Variants in MBD5 observed in about 807,000 individuals in gnomAD.
The protein encoded by MBD5 is methyl-CpG binding domain protein 5, also known as methyl-CpG-binding domain protein 5.
A neutral mutation model predicts 117.3 loss-of-function variants in MBD5; 13 were observed. That is an observed-to-expected ratio of 0.11 (90% confidence interval 0.07 to 0.18). The LOEUF (loss-of-function observed/expected upper bound fraction) is 0.18. Ranked by LOEUF, MBD5 falls within the 10% of genes least tolerant of loss-of-function variation. MBD5 has a pLI of 1.00. For missense variants in MBD5, 1,879 were observed against 2,093.8 expected, an observed-to-expected ratio of 0.90 and a Z score of 2.00; for synonymous variants, 727 against 766.4, an observed-to-expected ratio of 0.95 and a Z score of 0.85.
intron 2 of MBD5, among the ~76,000 whole-genome samples, chr2:148,184,017 T>G (rs1698591664): frequency 7.0e-6 from 1 of 143,190 alleles, no homozygotes; most frequent in Non-Finnish European, 1.5e-5. Flanking sequence ...AAATACATCC[T>G]TCTTAATTTT....
chr2:148,060,321 A>G lies in MBD5; in HGVS notation c.-925+38637A>G, dbSNP rs934286474. On this transcript the variant is annotated intron_variant, in intron 1 of 13. Coordinates refer to ENST00000642680, the MANE Select transcript of MBD5 (RefSeq NM_001378120.1). ...TGAGACCCTGTCTCAAAGAAAAAGG[A>G]AAAGAAAAGTCTCACTGGAGAGGCA... 2.5e-4 allele frequency among the ~76,000 whole-genome samples: 38 copies of G among 151,518 alleles called. 3 individuals are homozygous for G. Among genetic ancestry groups the G allele is most frequent in the Admixed American group, 1.7e-3 (26 of 15,234 alleles).
intron 12 of MBD5, among the ~76,000 whole-genome samples, chr2:148,504,236 A>T (rs1184943027): frequency 1.3e-5 from 2 of 152,246 alleles, no homozygotes; most frequent in African/African-American, 4.8e-5. Flanking sequence ...AGAAAATACA[A>T]AACTAACATT....
intron 3 of MBD5, among the ~76,000 whole-genome samples, chr2:148,245,186 A>C (rs2106213217): frequency 6.6e-6 from 1 of 152,232 alleles, no homozygotes; most frequent in South Asian, 2.1e-4. Context: ...AGGATTCAAA[A>C]CCAGCCTGGG....
At chr2:148,180,410 C>T (rs1330048617) in intron 2 of MBD5, among the ~76,000 whole-genome samples, 2 of 143,716 alleles carry the variant, frequency 1.4e-5, no homozygotes, top group African/African-American at 2.6e-5. Flanking sequence ...TTAAGTTGCT[C>T]AGACTAGATT....
At chr2:148,283,187 A>C (rs1441347531) in intron 3 of MBD5, among the ~76,000 whole-genome samples, 1 of 152,156 alleles carries the variant, frequency 6.6e-6, no homozygotes, top group Non-Finnish European at 1.5e-5. Context: ...ACTGTAAATC[A>C]CTAGTTATGT....
chr2:148,508,501 G>A (rs1337234405), intron 12 of MBD5, among the ~76,000 whole-genome samples: 1 of 151,796 alleles, frequency 6.6e-6, no homozygotes, highest in East Asian at 1.9e-4. Context: ...GACCAGGATA[G>A]GTAACAGGGA....
chr2:148,396,384 A>C (rs1009633016), intron 4 of MBD5, among the ~76,000 whole-genome samples: 47 of 152,198 alleles, frequency 3.1e-4, no homozygotes, highest in Non-Finnish European at 5.1e-4. Flanking sequence ...TTCAATATCT[A>C]ACATTCATGG....
chr2:148,474,355 A>C (rs374978578), intron 8 of MBD5, among the ~76,000 whole-genome samples: 14 of 152,142 alleles, frequency 9.2e-5, no homozygotes, highest in African/African-American at 3.1e-4. Context: ...TGACCCATCC[A>C]TTCCTTTGCC....
At chr2:148,043,674 G>A (rs934983239) in intron 1 of MBD5, among the ~76,000 whole-genome samples, 2 of 152,076 alleles carry the variant, frequency 1.3e-5, no homozygotes, top group African/African-American at 4.8e-5. Context: ...CTCACCATAT[G>A]TTGCCTACCA....
chr2:148,034,852 A>G (rs1291974474), intron 1 of MBD5, among the ~76,000 whole-genome samples: 1 of 152,202 alleles, frequency 6.6e-6, no homozygotes, highest in African/African-American at 2.4e-5. Flanking sequence ...AATTACTATT[A>G]CTCACAGATG....
At chr2:148,463,710 A>G (rs1707169971) in intron 6 of MBD5, 29 bp from the exon 7 acceptor site, 1 of 1,611,770 alleles carries the variant, frequency 6.2e-7, no homozygotes, top group Non-Finnish European at 8.5e-7. Context: ...TTACAGACAT[A>G]TTCTAAACAA....
chr2:148,087,450 A>T (rs982389102), intron 1 of MBD5, among the ~76,000 whole-genome samples: 1 of 152,174 alleles, frequency 6.6e-6, no homozygotes, highest in African/African-American at 2.4e-5. Flanking sequence ...TCTACAACCA[A>T]TTACAGAGTC....
intron 3 of MBD5, among the ~76,000 whole-genome samples, chr2:148,291,221 T>C (rs1348293677): frequency 6.6e-6 from 1 of 152,190 alleles, no homozygotes; most frequent in African/African-American, 2.4e-5. Context: ...AAGATCAACG[T>C]ACCAATTTTA....
intron 4 of MBD5, among the ~76,000 whole-genome samples, chr2:148,420,086 C>A (rs976644981): frequency 2.6e-5 from 4 of 152,110 alleles, no homozygotes; most frequent in Non-Finnish European, 2.9e-5. Flanking sequence ...CCTTTTCTGA[C>A]CTGATACAAA....
chr2:148,394,545 G>GTTTTTTTTTTTTTT (rs71856376), intron 4 of MBD5, among the ~76,000 whole-genome samples: 4 of 121,864 alleles, frequency 3.3e-5, no homozygotes, highest in Non-Finnish European at 6.9e-5. Context: ...CTGTACTTTG[G>GTTTTTTTTTTTTTT]TTTTTTTTTT....
intron 1 of MBD5, among the ~76,000 whole-genome samples, chr2:148,170,194 G>A (rs959291297): frequency 6.6e-6 from 1 of 152,194 alleles, no homozygotes; most frequent in Non-Finnish European, 1.5e-5. Flanking sequence ...ACCGCGCCCG[G>A]CCCGGGATTC....
intron 2 of MBD5, among the ~76,000 whole-genome samples, chr2:148,211,848 C>T (rs778666218): frequency 3.3e-5 from 5 of 152,160 alleles, no homozygotes; most frequent in Non-Finnish European, 1.5e-5. Context: ...CAGGCACAAG[C>T]GATGCTCCCA....
intron 3 of MBD5, among the ~76,000 whole-genome samples, chr2:148,330,310 A>T (rs919244054): frequency 2.8e-4 from 43 of 152,038 alleles, no homozygotes; most frequent in Admixed American, 2.4e-3. Flanking sequence ...CACTGTAGAC[A>T]GAGAGAGAGA....
chr2:148,200,888 T>A (rs930254763), intron 2 of MBD5, among the ~76,000 whole-genome samples: 3 of 152,190 alleles, frequency 2.0e-5, no homozygotes, highest in Non-Finnish European at 4.4e-5. Context: ...GGCACTTTTT[T>A]AAAAAGCTGC....
Sources: allele counts gnomAD v4.1 joint callset (sites outside exome capture counted in the v4.1 genomes callset), GRCh38; gene constraint gnomAD v4.1.1; transcripts MANE v1.5; gene names NCBI Gene and HGNC (gene_info 2026-07-23, HGNC 2026-07-21).